The following ARHGEF3 variants were observed in gnomAD, a reference collection of about 807,000 sequenced individuals.
ARHGEF3 encodes 59.8 kDA protein.
ARHGEF3 carries 28 observed loss-of-function variants against 63.2 expected under a neutral mutation model. The observed-to-expected ratio is 0.44, with a 90% CI of 0.33 to 0.61. ARHGEF3 has a LOEUF of 0.61. Ranked by LOEUF, ARHGEF3 falls within the 20% of genes least tolerant of loss-of-function variation. ARHGEF3 has a pLI of 0.03. For synonymous variants in ARHGEF3, 266 were observed against 254.2 expected (o/e 1.05, Z -0.44); for missense variants, 533 against 659.3 (o/e 0.81, Z 2.10).
At chr3:56,896,256 C>T (rs1367674041) in intron 3 of ARHGEF3, among the ~76,000 whole-genome samples, 1 of 152,206 alleles carries the variant, frequency 6.6e-6, no homozygotes, top group Non-Finnish European at 1.5e-5. Context: ...TGGCTGCCTA[C>T]AGCTGACCTC....
rs1005286146 is a variant in ARHGEF3 at position 56,975,371 on chromosome 3, T to C, written c.63-16482A>G. Among the ~76,000 whole-genome samples, 81 of 152,038 alleles carry C rather than the reference T, an allele frequency of 5.3e-4. 2 individuals carry two copies. Among genetic ancestry groups the C allele is most frequent in the Admixed American group, 5.2e-3 (79 of 15,268 alleles). ...AGGTGGAGGTTGCAGTGAGCCAAGA[T>C]TGCACCACAGCACTCCAGCCTGGGC... On this transcript the variant is annotated intron_variant, in intron 2 of 12. Coordinates refer to the ARHGEF3 transcript ENST00000338458.
chr3:56,848,720 G>A lies in ARHGEF3; in HGVS notation c.192+33572C>T, dbSNP rs1033912306. On this transcript the variant is annotated intron_variant, in intron 4 of 12. Transcript: ENST00000338458. ...TTGCTCTTGTTGTCCAGGCTAGAGCGCAATGGTGTGATCTCGGCTCACTGC... is the reference window on the plus strand; with the variant it reads ...TTGCTCTTGTTGTCCAGGCTAGAGCACAATGGTGTGATCTCGGCTCACTGC... 9.9e-5 allele frequency among the ~76,000 whole-genome samples: 15 copies of A among 152,266 alleles called. No homozygotes were observed. In the South Asian group the frequency reaches 1.5e-3, roughly 15 times the overall value.
At chr3:56,784,016 A>T (rs1365242344) in intron 1 of ARHGEF3, among the ~76,000 whole-genome samples, 1 of 152,208 alleles carries the variant, frequency 6.6e-6, no homozygotes, top group Non-Finnish European at 1.5e-5. Flanking sequence ...AGTTCCTTTT[A>T]GCAAACACCA....
At chr3:56,938,559 C>G (rs1364684224) in intron 3 of ARHGEF3, 1 of 152,164 alleles carries the variant, frequency 6.6e-6, no homozygotes, top group Non-Finnish European at 1.5e-5. Flanking sequence ...ACTAAATATG[C>G]ATGAGACTTA....
At chr3:56,826,222 G>A (rs1315607292) in intron 4 of ARHGEF3, among the ~76,000 whole-genome samples, 3 of 152,170 alleles carry the variant, frequency 2.0e-5, no homozygotes, top group African/African-American at 4.8e-5. Flanking sequence ...AGCCATGCCT[G>A]AAGGTTTGAC....
intron 2 of ARHGEF3, chr3:57,035,001 G>A (rs1276485444): frequency 3.4e-5 from 39 of 1,142,608 alleles, no homozygotes; most frequent in Middle Eastern, 3.0e-4. Flanking sequence ...ACTTATGTAG[G>A]CTTAAAGGAA....
chr3:56,731,941 A>T (rs2033191840), intron 9 of ARHGEF3: 2 of 566,016 alleles, frequency 3.5e-6, no homozygotes, highest in African/African-American at 3.7e-5. Flanking sequence ...CAATGGAAAA[A>T]GACAGAGAAA....
At chr3:56,786,030 C>T (rs1365732069) in intron 1 of ARHGEF3, among the ~76,000 whole-genome samples, 1 of 152,190 alleles carries the variant, frequency 6.6e-6, no homozygotes, top group East Asian at 1.9e-4. Context: ...TAACTCCCAG[C>T]TGTCCCTTCT....
intron 3 of ARHGEF3, among the ~76,000 whole-genome samples, chr3:56,910,848 C>T (rs1461881803): frequency 6.6e-6 from 1 of 152,142 alleles, no homozygotes; most frequent in Non-Finnish European, 1.5e-5. Flanking sequence ...TGAAGCGCTT[C>T]ACAGATATTA....
At chr3:56,806,714 G>A (rs2037872856), upstream of ARHGEF3, among the ~76,000 whole-genome samples, 1 of 152,180 alleles carries the variant, frequency 6.6e-6, no homozygotes, top group Non-Finnish European at 1.5e-5. Flanking sequence ...AGACAACCAG[G>A]CATGGCTTGG....
intron 2 of ARHGEF3, among the ~76,000 whole-genome samples, chr3:56,770,409 C>T (rs977152547): frequency 1.0e-4 from 12 of 114,316 alleles, no homozygotes; most frequent in African/African-American, 4.9e-4. Flanking sequence ...GACTCTGTCT[C>T]GAAAATTAAA....
At chr3:56,894,628 T>C (rs1421543811) in intron 3 of ARHGEF3, among the ~76,000 whole-genome samples, 1 of 152,046 alleles carries the variant, frequency 6.6e-6, no homozygotes, top group Non-Finnish European at 1.5e-5. Flanking sequence ...TATCTCTTTC[T>C]CTCTTTTTTA....
intron 4 of ARHGEF3, among the ~76,000 whole-genome samples, chr3:56,854,450 G>C (rs934112801): frequency 6.6e-6 from 1 of 152,132 alleles, no homozygotes; most frequent in Non-Finnish European, 1.5e-5. Context: ...AGCAGCAAAG[G>C]ATGTAAAGTG....
chr3:56,959,908 G>A (rs750801151), intron 2 of ARHGEF3, among the ~76,000 whole-genome samples: 4 of 152,182 alleles, frequency 2.6e-5, no homozygotes, highest in Non-Finnish European at 5.9e-5. Context: ...AACCCGGGAG[G>A]CAGAGGTTGC....
chr3:56,875,943 G>C (rs925137093), intron 4 of ARHGEF3, among the ~76,000 whole-genome samples: 5 of 152,074 alleles, frequency 3.3e-5, no homozygotes, highest in Non-Finnish European at 7.4e-5. Flanking sequence ...TGTGAGAGTG[G>C]GGTGGTGGTG....
At chr3:56,887,684 A>G (rs189195221) in intron 3 of ARHGEF3, among the ~76,000 whole-genome samples, 108 of 152,340 alleles carry the variant, frequency 7.1e-4, no homozygotes, top group African/African-American at 2.5e-3. Context: ...GTTCCCAGCC[A>G]ATTTGAGGAG....
At chr3:56,879,837 T>C (rs2040708382) in intron 4 of ARHGEF3, among the ~76,000 whole-genome samples, 1 of 152,232 alleles carries the variant, frequency 6.6e-6, no homozygotes, top group African/African-American at 2.4e-5. Context: ...TTTATTGGAT[T>C]CAGATATTCA....
chr3:56,860,616 C>T (rs2040040662), intron 4 of ARHGEF3, among the ~76,000 whole-genome samples: 2 of 152,170 alleles, frequency 1.3e-5, no homozygotes, highest in African/African-American at 4.8e-5. Context: ...TCACAAGTAA[C>T]TGCTGATATT....
At chr3:57,057,852 G>C (rs1705011772) in intron 1 of ARHGEF3, among the ~76,000 whole-genome samples, 1 of 152,128 alleles carries the variant, frequency 6.6e-6, no homozygotes, top group Non-Finnish European at 1.5e-5. Flanking sequence ...AGACAAACTG[G>C]GGGGCTTAAT....
Sources: allele counts gnomAD v4.1 joint callset (sites outside exome capture counted in the v4.1 genomes callset), GRCh38; gene constraint gnomAD v4.1.1; transcripts MANE v1.5; gene names NCBI Gene and HGNC (gene_info 2026-07-23, HGNC 2026-07-21).